The following ARHGAP31 variants were observed in gnomAD, a reference collection of about 807,000 sequenced individuals.
ARHGAP31 encodes the protein rho GTPase-activating protein 31.
Under a neutral mutation model 113.9 loss-of-function variants are expected in ARHGAP31, and 34 were observed. That is an observed-to-expected ratio of 0.30 (90% CI 0.23 to 0.40). The LOEUF (loss-of-function observed/expected upper bound fraction) is 0.40. Among genes scored for constraint, ARHGAP31 ranks in the 10% least tolerant of loss-of-function variants. The pLI, the probability that ARHGAP31 is intolerant of heterozygous loss-of-function variation, is 1.00. For synonymous variants in ARHGAP31, 650 were observed against 684.8 expected (o/e 0.95, Z 0.79); for missense variants, 1,548 against 1,767.1 (o/e 0.88, Z 2.22).
At chr3:119,380,799 A>G in intron 3 of ARHGAP31, 105 bp from the exon 4 acceptor site, 2 of 912,166 alleles carry the variant, frequency 2.2e-6, no homozygotes, top group South Asian at 2.7e-5. Flanking sequence ...ATCTCTAGGC[A>G]TGGTTGTGAG....
chr3:119,373,416 A>G (rs570291336), intron 3 of ARHGAP31, among the ~76,000 whole-genome samples: 1 of 150,222 alleles, frequency 6.7e-6, no homozygotes, highest in South Asian at 2.2e-4. Context: ...CACACTGGCA[A>G]GCCCATGGTG....
chr3:119,321,296 G>T (rs916793526), intron 1 of ARHGAP31, among the ~76,000 whole-genome samples: 5 of 136,382 alleles, frequency 3.7e-5, no homozygotes, highest in African/African-American at 1.4e-4. Flanking sequence ...TATATATATA[G>T]TATATATATA....
At chr3:119,365,211 T>C (rs1221789345) in intron 1 of ARHGAP31, 105 bp from the exon 2 acceptor site, 1 of 891,428 alleles carries the variant, frequency 1.1e-6, no homozygotes, top group Non-Finnish European at 1.8e-6. Flanking sequence ...ATGAGTTCCA[T>C]ACTTACATCT....
intron 8 of ARHGAP31, among the ~76,000 whole-genome samples, chr3:119,397,895 G>A (rs2107638620): frequency 6.6e-6 from 1 of 152,032 alleles, no homozygotes. Flanking sequence ...CTTTTTAATG[G>A]GTACTTACTC....
At chr3:119,303,537 C>T (rs1291478801) in intron 1 of ARHGAP31, among the ~76,000 whole-genome samples, 1 of 152,206 alleles carries the variant, frequency 6.6e-6, no homozygotes, top group Non-Finnish European at 1.5e-5. Flanking sequence ...GTACCACGCC[C>T]ATGGCCTGAT....
chr3:119,418,935 TC>T lies in ARHGAP31; in HGVS notation c.*2673del, dbSNP rs2080801115. 1 of 152,240 alleles carries T rather than the reference TC, an allele frequency of 6.6e-6. No individual in the cohort carries two copies. Among genetic ancestry groups the T allele is most frequent in the South Asian group, 2.1e-4 (1 of 4,824 alleles). The allele number at this position is 152,240 out of a possible 1,614,324, so 9.4% of individuals were successfully genotyped here. A position where few individuals can be genotyped will look rare whatever the true frequency, so the allele number is the denominator to read the frequency against. On this transcript the variant is annotated 3_prime_UTR_variant, in exon 12 of 12. Coordinates refer to ENST00000264245, the MANE Select transcript of ARHGAP31 (RefSeq NM_020754.4). ...GCCATCACAAAGGCTTTCATAAACT[TC>T]CTGTGGTCTGGGCTAGCCTGGCACT...
chr3:119,325,689 G>A (rs2079835313), intron 1 of ARHGAP31, among the ~76,000 whole-genome samples: 2 of 152,202 alleles, frequency 1.3e-5, no homozygotes, highest in African/African-American at 4.8e-5. Context: ...AAATGACTTA[G>A]CCTGAAGGCA....
At chr3:119,297,730 T>G (rs1037711999) in intron 1 of ARHGAP31, among the ~76,000 whole-genome samples, 3 of 152,142 alleles carry the variant, frequency 2.0e-5, no homozygotes, top group Non-Finnish European at 4.4e-5. Context: ...ACAGAATGAA[T>G]GTCATATGCT....
At chr3:119,404,164 T>G (rs562258596) in intron 10 of ARHGAP31, among the ~76,000 whole-genome samples, 99 of 152,284 alleles carry the variant, frequency 6.5e-4, no homozygotes, top group African/African-American at 2.2e-3. Flanking sequence ...GAGTGAAGGC[T>G]TTGAGGAAAA....
intron 1 of ARHGAP31, among the ~76,000 whole-genome samples, chr3:119,336,814 C>T (rs866969337): frequency 3.0e-4 from 45 of 152,174 alleles, no homozygotes; most frequent in African/African-American, 1.1e-3. Context: ...CCCATTGCCC[C>T]ACCTTCCCAC....
intron 3 of ARHGAP31, among the ~76,000 whole-genome samples, chr3:119,377,910 C>T (rs2080362477): frequency 6.6e-6 from 1 of 152,178 alleles, no homozygotes; most frequent in East Asian, 1.9e-4. Flanking sequence ...GAGCCTCAGA[C>T]TGTCTGCGTT....
At chr3:119,313,227 G>A (rs2079698133) in intron 1 of ARHGAP31, among the ~76,000 whole-genome samples, 1 of 152,142 alleles carries the variant, frequency 6.6e-6, no homozygotes, top group African/African-American at 2.4e-5. Flanking sequence ...CAGCTTCTCT[G>A]TTCCTCTTCC....
intron 1 of ARHGAP31, among the ~76,000 whole-genome samples, chr3:119,301,895 C>G (rs2079587545): frequency 6.6e-6 from 1 of 152,220 alleles, no homozygotes; most frequent in Non-Finnish European, 1.5e-5. Context: ...GAACAGACCA[C>G]ACTTGCTCTG....
chr3:119,355,205 T>C (rs1271384516), intron 1 of ARHGAP31, among the ~76,000 whole-genome samples: 1 of 152,264 alleles, frequency 6.6e-6, no homozygotes, highest in African/African-American at 2.4e-5. Flanking sequence ...CTCCAGGCCA[T>C]TGGGCAATTT....
chr3:119,382,450 C>T lies in ARHGAP31; in HGVS notation c.539+51C>T, dbSNP rs773041225. 7.2e-6 allele frequency: 11 copies of T among 1,525,852 alleles called. No homozygotes were observed. The South Asian group carries it at 1.0e-4, about 14-fold the overall frequency. The allele number at this position is 1,525,852 out of a possible 1,614,324, so 94.5% of individuals were successfully genotyped here. A position where few individuals can be genotyped will look rare whatever the true frequency, so the allele number is the denominator to read the frequency against. The stretch of plus-strand genomic sequence containing the variant: ...ACCAGCCCAGGGGGCTCAGAGCAGC[C>T]CCCGATTGAAATGAAGATTGGATTC... On this transcript the variant is annotated intron_variant, in intron 5 of 11. Transcript: ENST00000264245.
chr3:119,370,382 A>G (rs1038204571), intron 3 of ARHGAP31, among the ~76,000 whole-genome samples: 1 of 152,210 alleles, frequency 6.6e-6, no homozygotes, highest in African/African-American at 2.4e-5. Flanking sequence ...TATTCTTTCC[A>G]TAGTGTTTTT....
intron 1 of ARHGAP31, chr3:119,324,778 TTG>T (rs2079827670): frequency 2.7e-6 from 1 of 372,924 alleles, no homozygotes; most frequent in Non-Finnish European, 5.4e-6. Context: ...GGCAGCACAG[TTG>T]TATCTATTCT....
intron 1 of ARHGAP31, among the ~76,000 whole-genome samples, chr3:119,334,309 G>C (rs750988011): frequency 1.3e-5 from 2 of 152,164 alleles, no homozygotes; most frequent in Non-Finnish European, 2.9e-5. Context: ...CCAGACACTT[G>C]CGTGACTGCT....
At chr3:119,389,871 AC>A (rs1294004100) in intron 6 of ARHGAP31, among the ~76,000 whole-genome samples, 1 of 152,214 alleles carries the variant, frequency 6.6e-6, no homozygotes, top group Non-Finnish European at 1.5e-5. Context: ...CAGCTTCACA[AC>A]CTCAGCACTA....
Sources: allele counts gnomAD v4.1 joint callset (sites outside exome capture counted in the v4.1 genomes callset), GRCh38; gene constraint gnomAD v4.1.1; transcripts MANE v1.5; gene names NCBI Gene and HGNC (gene_info 2026-07-23, HGNC 2026-07-21).